Variants in LILRB1 observed in about 807,000 individuals in gnomAD.
LILRB1 encodes the protein leukocyte immunoglobulin like receptor B1, also known as leukocyte immunoglobulin-like receptor subfamily B member 1.
LILRB1 carries 59 observed loss-of-function variants against 74.6 expected under a neutral mutation model. The ratio of observed to expected loss-of-function variants is 0.79; its 90% CI spans 0.64 to 0.98. The LOEUF (loss-of-function observed/expected upper bound fraction) is 0.98. LILRB1 is among the 50% of genes least tolerant of loss of function. LILRB1 has a pLI of 0.00. For missense variants in LILRB1, 804 were observed against 822.6 expected (o/e 0.98, Z 0.28); for synonymous variants, 328 against 333.9 (o/e 0.98, Z 0.19).
intron 13 of LILRB1, 153 bp downstream of exon 13, chr19:54,635,762 C>T: frequency 1.1e-6 from 1 of 913,962 alleles, no homozygotes; most frequent in Admixed American, 1.7e-5. Flanking sequence ...TGCGACCTCA[C>T]TCTCTCCTGC....
Position 54,634,916 on chromosome 19 carries a change from TAA to T in LILRB1, c.1486+155_1486+156del, listed in dbSNP as rs2064259155. On this transcript the variant is annotated intron_variant, in intron 10 of 14. Coordinates refer to ENST00000324602, the MANE Select transcript of LILRB1 (RefSeq NM_001081637.3). ...CGACAGTCAGTCCCATCTACAAATGTAAAGTGTCCTTCGGGCTCAGTGCCATC... is the reference window on the plus strand; with the variant it reads ...CGACAGTCAGTCCCATCTACAAATGTAGTGTCCTTCGGGCTCAGTGCCATC... 3.4e-6 allele frequency: 5 copies of T among 1,479,566 alleles called. No homozygotes were observed. In the East Asian group the frequency reaches 9.1e-5, roughly 27 times the overall value. The allele number at this position is 1,479,566 out of a possible 1,614,324, so 91.7% of individuals were successfully genotyped here. A position where few individuals can be genotyped will look rare whatever the true frequency, so the allele number is the denominator to read the frequency against.
Position 54,635,153 on chromosome 19 carries a change from G to A in LILRB1, c.1536G>A (p.Glu512=). 18 of 1,593,962 alleles carry A rather than the reference G, an allele frequency of 1.1e-5. 2 individuals are homozygous for A. Among genetic ancestry groups the A allele is most frequent in the Non-Finnish European group, 1.5e-5 (18 of 1,165,134 alleles). ...ATCCTGCAGGGGCTGTGGGGCCAGA[G>A]CCCACAGACAGAGGCCTGCAGTGGA... The part of the protein sequence containing the change: ...FQHPAGAVGP[E]PTDRGLQWRS... The change falls in exon 11 of 15, where the codon GAG becomes GAA. Residue 512 remains glutamate (E), a synonymous_variant. Coordinates refer to ENST00000324602, the MANE Select transcript of LILRB1 (RefSeq NM_001081637.3).
In LILRB1 at chr19:54,632,158, G is replaced by C. The variant is rs373103118; in HGVS notation, c.582G>C (p.Trp194Cys). 2 of 1,614,086 alleles carry C rather than the reference G, an allele frequency of 1.2e-6. No individual in the cohort carries two copies. Among genetic ancestry groups the C allele is most frequent in the Admixed American group, 3.3e-5 (2 of 60,010 alleles). The change falls in exon 5 of 15, where the codon TGG becomes TGC. Residue 194 changes from tryptophan (W) to cysteine (C), a missense_variant. By Grantham distance (215) the Trp-to-Cys change is radical. Coordinates refer to ENST00000324602, the MANE Select transcript of LILRB1 (RefSeq NM_001081637.3). ...VGPVSPSRRW[W>C]YRCYAYDSNS... is the part of the protein sequence containing the mutation. ...CCGTGAGCCCGAGTCGCAGGTGGTG[G>C]TACAGGTGCTATGCTTATGACTCGA... is the stretch of plus-strand genomic sequence containing the variant.
chr19:54,635,292 C>A lies in LILRB1; in HGVS notation c.1596C>A (p.Asn532Lys), dbSNP rs776187452. ...CAGCTGCCGATGCCCAGGAAGAAAA[C>A]CTCTGTGAGTGAGAGGAAGAGGTGA... The part of the protein sequence containing the change: ...SSPAADAQEE[N>K]LYAAVKHTQP... Residue 532 changes from asparagine to lysine, a missense_variant, in exon 12 of 15, where the codon AAC (asparagine) becomes AAA (lysine). Asn to Lys is a moderately conservative substitution (Grantham distance 94). Coordinates refer to ENST00000324602, the MANE Select transcript of LILRB1 (RefSeq NM_001081637.3). 1 of 1,613,312 alleles carries A rather than the reference C, an allele frequency of 6.2e-7. No individual in the cohort carries two copies. The highest frequency in any genetic ancestry group is 1.1e-5 in the South Asian group (1 of 91,016).
upstream of LILRB1, among the ~76,000 whole-genome samples, chr19:54,626,973 G>A (rs1048685795): frequency 1.3e-5 from 2 of 152,222 alleles, no homozygotes; most frequent in East Asian, 1.9e-4. Flanking sequence ...ATGCACACCC[G>A]GGAAGGTGGC....
Position 54,634,025 on chromosome 19 carries a change from A to T in LILRB1, c.1363+4A>T. On this transcript the variant is annotated splice_donor_region_variant and intron_variant, in intron 9 of 14. Coordinates refer to ENST00000324602, the MANE Select transcript of LILRB1 (RefSeq NM_001081637.3). Reference sequence around the variant, plus strand: ...ACCGGGTCGGATCCCCAGAGTGGTGAGTGACGGGCTCTGAGTGGGAGGTGG... The same window carrying T: ...ACCGGGTCGGATCCCCAGAGTGGTGTGTGACGGGCTCTGAGTGGGAGGTGG... 6.3e-7 allele frequency: 1 copy of T among 1,593,244 alleles called. No homozygotes were observed. The highest frequency in any genetic ancestry group is 2.3e-5 in the East Asian group (1 of 44,308).
At chr19:54,633,905 G>A (rs1427146428) in intron 8 of LILRB1, 66 bp from the exon 9 acceptor site, 1 of 1,544,166 alleles carries the variant, frequency 6.5e-7, no homozygotes, top group South Asian at 1.2e-5. Context: ...CAGCCTGGGG[G>A]AGGAGCAGCC....
At chr19:54,634,186 A>C (rs1366127484) in intron 9 of LILRB1, 165 bp downstream of exon 9, 1 of 1,503,356 alleles carries the variant, frequency 6.7e-7, no homozygotes, top group African/African-American at 1.4e-5. Flanking sequence ...CGGGTGGGAA[A>C]GTTCCTTTCA....
intron 1 of LILRB1, among the ~76,000 whole-genome samples, chr19:54,621,189 TATA>T (rs1346995560): frequency 6.6e-6 from 1 of 152,220 alleles, no homozygotes; most frequent in African/African-American, 2.4e-5. Context: ...GTCTTTTTAA[TATA>T]ATGACTTTTC....
chr19:54,625,498 G>T (rs1212588487), upstream of LILRB1, among the ~76,000 whole-genome samples: 1 of 152,252 alleles, frequency 6.6e-6, no homozygotes, highest in East Asian at 1.9e-4. Context: ...GTAGGCCAAG[G>T]GGGGTCAGGG....
chr19:54,629,629 C>G (rs528394623), upstream of LILRB1, among the ~76,000 whole-genome samples: 1 of 151,638 alleles, frequency 6.6e-6, no homozygotes, highest in Non-Finnish European at 1.5e-5. Context: ...GGGGTCCACT[C>G]CAGCCTCAGG....
intron 13 of LILRB1, chr19:54,635,885 G>GA (rs1281086436): frequency 1.5e-6 from 1 of 653,112 alleles, no homozygotes; most frequent in African/African-American, 1.8e-5. Flanking sequence ...AGGAATAAAT[G>GA]AACCACCCCG....
At position 54,632,061 on chromosome 19, in the gene LILRB1, A is replaced by G. The variant is rs1256864565; in HGVS notation, c.485A>G (p.Asp162Gly). ...DGFILCKEGE[D>G]EHPQCLNSQP... ...TTCATTCTGTGTAAGGAAGGAGAAG[A>G]TGAACACCCACAATGCCTGAACTCC... Residue 162 changes from aspartate to glycine, a missense_variant, in exon 5 of 15, where the codon GAT becomes GGT. Physicochemically the swap from Asp to Gly is moderately conservative, Grantham distance 94. Coordinates refer to ENST00000324602, the MANE Select transcript of LILRB1 (RefSeq NM_001081637.3). 2.5e-6 allele frequency: 4 copies of G among 1,614,120 alleles called. No homozygotes were observed. The Admixed American group carries it at 6.7e-5, about 27-fold the overall frequency.
intron 1 of LILRB1, among the ~76,000 whole-genome samples, chr19:54,621,759 C>G (rs956785478): frequency 6.6e-6 from 1 of 152,032 alleles, no homozygotes; most frequent in Non-Finnish European, 1.5e-5. Flanking sequence ...AAGTTCTTTG[C>G]CTGGACTAAT....
chr19:54,634,790 G>C, intron 10 of LILRB1, 27 bp downstream of exon 10: 1 of 1,611,668 alleles, frequency 6.2e-7, no homozygotes, highest in Non-Finnish European at 8.5e-7. Flanking sequence ...GGGACCCTGA[G>C]GGCTGACCGA....
At chr19:54,634,556 G>T in intron 9 of LILRB1, 85 bp from the exon 10 acceptor site, 1 of 1,525,988 alleles carries the variant, frequency 6.6e-7, no homozygotes. Context: ...TGGAGGTGGT[G>T]AACAGAAGGT....
chr19:54,619,968 A>G (rs754271975), intron 1 of LILRB1, among the ~76,000 whole-genome samples: 2 of 132,362 alleles, frequency 1.5e-5, no homozygotes, highest in Non-Finnish European at 3.3e-5. Flanking sequence ...TTTTTTTTTC[A>G]CTTGAAATTT....
upstream of LILRB1, among the ~76,000 whole-genome samples, chr19:54,629,267 G>A (rs1271677382): frequency 2.6e-5 from 4 of 152,206 alleles, no homozygotes; most frequent in African/African-American, 9.7e-5. Context: ...GTTGGTGCAT[G>A]TAGCGGGTAC....
upstream of LILRB1, among the ~76,000 whole-genome samples, chr19:54,616,652 G>A (rs1036743337): frequency 1.3e-5 from 2 of 152,096 alleles, no homozygotes; most frequent in Admixed American, 1.3e-4. Flanking sequence ...GTTGTTTAAG[G>A]ATCCTACTTC....
Sources: gnomAD v4.1 joint callset for allele counts (sites outside exome capture counted in the v4.1 genomes callset) on GRCh38, gnomAD v4.1.1 for gene constraint, MANE v1.5 for transcripts, NCBI Gene and HGNC (gene_info 2026-07-23, HGNC 2026-07-21) for gene names.